The following SV2C variants were observed in gnomAD, a reference collection of about 807,000 sequenced individuals.
SV2C encodes synaptic vesicle glycoprotein 2C, also known as solute carrier family 22 member B3.
A neutral mutation model predicts 79.7 loss-of-function variants in SV2C; 49 were observed. The ratio of observed to expected loss-of-function variants is 0.61; its 90% CI spans 0.49 to 0.78. SV2C has a LOEUF of 0.78. Among genes scored for constraint, SV2C ranks in the 30% least tolerant of loss-of-function variants. SV2C has a pLI of 0.00. For synonymous variants in SV2C, 334 were observed against 333.2 expected, an observed-to-expected ratio of 1.00 and a Z score of -0.03; for missense variants, 833 against 912.9, an observed-to-expected ratio of 0.91 and a Z score of 1.13.
intron 1 of SV2C, among the ~76,000 whole-genome samples, chr5:76,110,962 ATC>A (rs1437426145): frequency 6.6e-6 from 1 of 152,158 alleles, no homozygotes; most frequent in Non-Finnish European, 1.5e-5. Flanking sequence ...GTCGCAATGC[ATC>A]TCTCCATCTC....
the SV2C span, among the ~76,000 whole-genome samples, chr5:75,966,124 A>C: frequency 1.3e-5 from 2 of 152,232 alleles, no homozygotes; most frequent in Admixed American, 1.3e-4. Context: ...TTGTGGAGGA[A>C]AGTATAGTGA....
At chr5:75,909,655 A>G in the SV2C span, among the ~76,000 whole-genome samples, 1 of 152,228 alleles carries the variant, frequency 6.6e-6, no homozygotes, top group Non-Finnish European at 1.5e-5. Flanking sequence ...CCAGGAGAGC[A>G]TGCATAGCAT....
chr5:76,075,281 A>C, the SV2C span, among the ~76,000 whole-genome samples: 2 of 152,230 alleles, frequency 1.3e-5, no homozygotes, highest in Non-Finnish European at 2.9e-5. Context: ...GGAGTAAGGA[A>C]AGCTTTCCCA....
At chr5:75,880,896 C>T in the SV2C span, among the ~76,000 whole-genome samples, 1 of 152,132 alleles carries the variant, frequency 6.6e-6, no homozygotes, top group African/African-American at 2.4e-5. Flanking sequence ...GTTTAGTTGG[C>T]TCATGGTTCT....
the SV2C span, among the ~76,000 whole-genome samples, chr5:75,930,214 C>A: frequency 6.6e-6 from 1 of 152,106 alleles, no homozygotes; most frequent in Non-Finnish European, 1.5e-5. Context: ...TCTTTCCTTA[C>A]TCCCTTCTTG....
At chr5:76,311,797 T>C (rs189696159) in intron 12 of SV2C, among the ~76,000 whole-genome samples, 2 of 152,258 alleles carry the variant, frequency 1.3e-5, no homozygotes, top group East Asian at 3.9e-4. Flanking sequence ...GGAGCTTCCT[T>C]TTCCCTCATT....
At chr5:75,875,309 T>C in the SV2C span, among the ~76,000 whole-genome samples, 11 of 151,946 alleles carry the variant, frequency 7.2e-5, no homozygotes, top group African/African-American at 2.2e-4. Context: ...TCAACAAAGC[T>C]GACAAAAACA....
At chr5:75,992,351 C>T in the SV2C span, among the ~76,000 whole-genome samples, 2 of 152,070 alleles carry the variant, frequency 1.3e-5, no homozygotes, top group Non-Finnish European at 2.9e-5. Context: ...ATATCTGTAT[C>T]TACATCTATA....
chr5:76,257,078 A>G (rs1746291536), intron 4 of SV2C, among the ~76,000 whole-genome samples: 1 of 142,078 alleles, frequency 7.0e-6, no homozygotes, highest in South Asian at 2.2e-4. Flanking sequence ...CAGATTTTAG[A>G]AACCTGCACA....
chr5:75,910,232 C>T, the SV2C span: 1 of 423,762 alleles, frequency 2.4e-6, no homozygotes, highest in Non-Finnish European at 4.6e-6. Flanking sequence ...AGTTCAAGGC[C>T]AGCCTGGGCA....
At chr5:75,988,293 C>A in the SV2C span, among the ~76,000 whole-genome samples, 1 of 152,102 alleles carries the variant, frequency 6.6e-6, no homozygotes, top group African/African-American at 2.4e-5. Context: ...CATTGCTTTA[C>A]TTTACCAGTC....
At chr5:76,300,664 G>T in intron 10 of SV2C, 65 bp from the exon 11 acceptor site, 1 of 1,523,278 alleles carries the variant, frequency 6.6e-7, no homozygotes, top group Non-Finnish European at 9.1e-7. Flanking sequence ...TCCTCCATAG[G>T]CTTTCTTATA....
At chr5:76,022,071 A>T in the SV2C span, among the ~76,000 whole-genome samples, 1 of 152,198 alleles carries the variant, frequency 6.6e-6, no homozygotes, top group Admixed American at 6.6e-5. Flanking sequence ...TGCAGTCATG[A>T]CAAGGCTAGG....
At chr5:76,344,095 C>A (rs1749493273) in intron 12 of SV2C, among the ~76,000 whole-genome samples, 1 of 152,154 alleles carries the variant, frequency 6.6e-6, no homozygotes, top group African/African-American at 2.4e-5. Flanking sequence ...ACCTCTGCCC[C>A]CTGCCCATCT....
the SV2C span, among the ~76,000 whole-genome samples, chr5:76,002,984 G>C: frequency 1.3e-5 from 2 of 152,040 alleles, no homozygotes; most frequent in Non-Finnish European, 2.9e-5. Flanking sequence ...TCATGGGAGG[G>C]GCCCGGTGGG....
intron 1 of SV2C, among the ~76,000 whole-genome samples, chr5:76,086,081 G>A (rs1057306310): frequency 3.3e-5 from 5 of 152,110 alleles, no homozygotes; most frequent in Admixed American, 6.5e-5. Flanking sequence ...TATTTTTCAT[G>A]ACCCAATGAC....
chr5:75,993,367 A>G, the SV2C span, among the ~76,000 whole-genome samples: 1 of 152,010 alleles, frequency 6.6e-6, no homozygotes, highest in African/African-American at 2.4e-5. Context: ...TACTATGCAA[A>G]GCGAGCATGG....
chr5:75,911,233 A>T, the SV2C span: 1 of 1,557,928 alleles, frequency 6.4e-7, no homozygotes, highest in East Asian at 2.2e-5. Flanking sequence ...TACCATTGGG[A>T]GTGGCAAGTC....
chr5:75,952,654 C>A, the SV2C span, among the ~76,000 whole-genome samples: 1 of 151,796 alleles, frequency 6.6e-6, no homozygotes, highest in African/African-American at 2.4e-5. Flanking sequence ...CTTCCTCCTC[C>A]TCTTGCCATG....
Sources: gnomAD v4.1 joint callset for allele counts (sites outside exome capture counted in the v4.1 genomes callset) on GRCh38, gnomAD v4.1.1 for gene constraint, MANE v1.5 for transcripts, NCBI Gene and HGNC (gene_info 2026-07-23, HGNC 2026-07-21) for gene names.